Variants in KCTD16 observed in about 807,000 individuals in gnomAD.
KCTD16 encodes BTB/POZ domain-containing protein KCTD16.
KCTD16 carries 13 observed loss-of-function variants against 33.2 expected under a neutral mutation model. That is an observed-to-expected ratio of 0.39 (90% CI 0.25 to 0.62). KCTD16 has a LOEUF of 0.62. Ranked by LOEUF, KCTD16 falls within the 20% of genes least tolerant of loss-of-function variation. KCTD16 has a pLI of 0.50. For synonymous variants in KCTD16, 197 were observed against 195.3 expected (o/e 1.01, Z -0.07); for missense variants, 441 against 525.1 (o/e 0.84, Z 1.57).
intron 3 of KCTD16, among the ~76,000 whole-genome samples, chr5:144,231,664 T>A (rs539881654): frequency 9.2e-5 from 14 of 152,122 alleles, no homozygotes; most frequent in Middle Eastern, 3.4e-3. Flanking sequence ...TGGGGGTGGT[T>A]CCCCCATACT....
intron 3 of KCTD16, among the ~76,000 whole-genome samples, chr5:144,238,138 G>T (rs1475166463): frequency 6.6e-6 from 1 of 152,182 alleles, no homozygotes; most frequent in Non-Finnish European, 1.5e-5. Context: ...GGTGGGGCTT[G>T]TGCAGCCAGA....
intron 2 of KCTD16, among the ~76,000 whole-genome samples, chr5:144,202,725 A>G (rs1753072568): frequency 6.6e-6 from 1 of 152,234 alleles, no homozygotes; most frequent in Non-Finnish European, 1.5e-5. Flanking sequence ...ACAATTAACA[A>G]TATGATGCAA....
chr5:144,404,843 T>G (rs1453725532), intron 3 of KCTD16, among the ~76,000 whole-genome samples: 1 of 152,148 alleles, frequency 6.6e-6, no homozygotes, highest in Non-Finnish European at 1.5e-5. Context: ...ACACAGATTA[T>G]TTCACTTCCG....
intron 2 of KCTD16, among the ~76,000 whole-genome samples, chr5:144,190,643 T>C (rs959870217): frequency 3.3e-5 from 5 of 152,166 alleles, no homozygotes; most frequent in African/African-American, 1.2e-4. Flanking sequence ...AAGAACACAC[T>C]TTTCCCCTAC....
intron 3 of KCTD16, among the ~76,000 whole-genome samples, chr5:144,445,291 A>G (rs1753796361): frequency 6.6e-6 from 1 of 151,928 alleles, no homozygotes; most frequent in African/African-American, 2.4e-5. Flanking sequence ...CTGTCATCTA[A>G]ATCTGAATCT....
At chr5:144,283,498 C>A (rs555483295) in intron 3 of KCTD16, among the ~76,000 whole-genome samples, 1 of 152,168 alleles carries the variant, frequency 6.6e-6, no homozygotes, top group African/African-American at 2.4e-5. Flanking sequence ...TACTGTATGT[C>A]GCTTTGGTCA....
At chr5:144,388,434 A>G (rs1215169193) in intron 3 of KCTD16, among the ~76,000 whole-genome samples, 1 of 152,054 alleles carries the variant, frequency 6.6e-6, no homozygotes, top group Non-Finnish European at 1.5e-5. Flanking sequence ...TTTATTACCA[A>G]TCTTTACGTT....
chr5:144,198,850 G>C (rs1306489344), intron 2 of KCTD16, among the ~76,000 whole-genome samples: 4 of 152,166 alleles, frequency 2.6e-5, no homozygotes, highest in African/African-American at 9.7e-5. Context: ...GGAGAGCCAG[G>C]CTTTCAGAAA....
chr5:144,266,894 A>G (rs1053490572), intron 3 of KCTD16, among the ~76,000 whole-genome samples: 1 of 152,082 alleles, frequency 6.6e-6, no homozygotes, highest in Non-Finnish European at 1.5e-5. Context: ...GTCCTATGAT[A>G]CAGATATTTT....
At chr5:144,352,997 A>G (rs1018323929) in intron 3 of KCTD16, among the ~76,000 whole-genome samples, 4 of 152,214 alleles carry the variant, frequency 2.6e-5, no homozygotes, top group Non-Finnish European at 2.9e-5. Flanking sequence ...TAAGAAGGTA[A>G]CATGCCTTTT....
intron 3 of KCTD16, among the ~76,000 whole-genome samples, chr5:144,462,483 T>C (rs1014473748): frequency 1.3e-5 from 2 of 151,018 alleles, no homozygotes; most frequent in African/African-American, 4.9e-5. Context: ...ATTCTCTCCC[T>C]GGTTAAGATG....
intron 3 of KCTD16, among the ~76,000 whole-genome samples, chr5:144,317,521 C>T (rs919898920): frequency 3.3e-5 from 5 of 152,114 alleles, no homozygotes; most frequent in African/African-American, 1.2e-4. Context: ...CGGAGAAAGC[C>T]CAAACTTCTT....
intron 3 of KCTD16, among the ~76,000 whole-genome samples, chr5:144,439,949 TA>T (rs549445281): frequency 0.094 from 12,959 of 138,440 alleles, 1,751 homozygotes; most frequent in African/African-American, 0.3. Context: ...TTTCATAATC[TA>T]AAAAAAAAAA....
intron 3 of KCTD16, among the ~76,000 whole-genome samples, chr5:144,273,990 T>C (rs1396409115): frequency 2.7e-5 from 4 of 149,982 alleles, no homozygotes; most frequent in Non-Finnish European, 5.9e-5. Context: ...TATAATAATA[T>C]TTTTATGTTA....
At chr5:144,414,292 T>C (rs1365998886) in intron 3 of KCTD16, among the ~76,000 whole-genome samples, 1 of 152,212 alleles carries the variant, frequency 6.6e-6, no homozygotes, top group Non-Finnish European at 1.5e-5. Flanking sequence ...TGATTAATAG[T>C]ATAAAAAGTG....
At chr5:144,362,550 C>G (rs986169049) in intron 3 of KCTD16, among the ~76,000 whole-genome samples, 1 of 152,006 alleles carries the variant, frequency 6.6e-6, no homozygotes, top group Non-Finnish European at 1.5e-5. Context: ...TAGGTAAGAA[C>G]GATCACTACC....
chr5:144,182,988 C>G (rs1164728375), intron 2 of KCTD16, among the ~76,000 whole-genome samples: 1 of 151,168 alleles, frequency 6.6e-6, no homozygotes, highest in Non-Finnish European at 1.5e-5. Flanking sequence ...AATCATTTCT[C>G]TATGTACATG....
chr5:144,281,531 A>AT (rs909987626), intron 3 of KCTD16, among the ~76,000 whole-genome samples: 4 of 151,788 alleles, frequency 2.6e-5, no homozygotes, highest in Admixed American at 6.6e-5. Context: ...ATTCCTTTTC[A>AT]TTTTTTTATT....
chr5:144,242,478 T>C (rs1388865376), intron 3 of KCTD16, among the ~76,000 whole-genome samples: 1 of 152,190 alleles, frequency 6.6e-6, no homozygotes, highest in Non-Finnish European at 1.5e-5. Flanking sequence ...TCTATGTGCA[T>C]TTTATATCTC....
Sources: gnomAD v4.1 joint callset for allele counts (sites outside exome capture counted in the v4.1 genomes callset) on GRCh38, gnomAD v4.1.1 for gene constraint, MANE v1.5 for transcripts, NCBI Gene and HGNC (gene_info 2026-07-23, HGNC 2026-07-21) for gene names.